SLC26A5: variants seen among roughly 807,000 people sequenced by gnomAD.
The protein encoded by SLC26A5 is solute carrier family 26 member 5.
SLC26A5 carries 51 observed loss-of-function variants against 81.0 expected under a neutral mutation model. That is an observed-to-expected ratio of 0.63 (90% CI 0.50 to 0.80). The LOEUF is 0.80. Among genes scored for constraint, SLC26A5 ranks in the 30% least tolerant of loss-of-function variants. The pLI is 0.00. For synonymous variants in SLC26A5, 325 were observed against 332.8 expected, an observed-to-expected ratio of 0.98 and a Z score of 0.25; for missense variants, 771 against 905.8, an observed-to-expected ratio of 0.85 and a Z score of 1.91.
At chr7:103,381,766 C>A (rs1821814565) in intron 14 of SLC26A5, among the ~76,000 whole-genome samples, 1 of 151,668 alleles carries the variant, frequency 6.6e-6, no homozygotes, top group South Asian at 2.1e-4. Flanking sequence ...TCATACCACA[C>A]ACACACACAC....
chr7:103,355,092 C>T (rs943582785), intron 19 of SLC26A5: 31 of 650,934 alleles, frequency 4.8e-5, no homozygotes, highest in Admixed American at 1.3e-4. Context: ...AATTAGATCT[C>T]ATTTAACCAT....
At chr7:103,365,135 A>T (rs1820644791) in intron 19 of SLC26A5, among the ~76,000 whole-genome samples, 1 of 151,876 alleles carries the variant, frequency 6.6e-6, no homozygotes, top group African/African-American at 2.4e-5. Flanking sequence ...ATGATCAGGA[A>T]TTCCAAGTGA....
At chr7:103,398,038 C>T (rs1392440947) in intron 8 of SLC26A5, 24 bp from the exon 9 acceptor site, 15 of 1,584,604 alleles carry the variant, frequency 9.5e-6, no homozygotes, top group Admixed American at 3.3e-5. Context: ...AATCCAAATG[C>T]ACCTTTAGAG....
chr7:103,359,065 C>G (rs969236460), intron 19 of SLC26A5, among the ~76,000 whole-genome samples: 1 of 147,220 alleles, frequency 6.8e-6, no homozygotes, highest in African/African-American at 2.5e-5. Flanking sequence ...CTCGCTGCAG[C>G]CTCTGCTTCC....
intron 14 of SLC26A5, among the ~76,000 whole-genome samples, chr7:103,383,905 G>A (rs1401987544): frequency 6.6e-6 from 1 of 152,186 alleles, no homozygotes; most frequent in East Asian, 1.9e-4. Flanking sequence ...ACTTTGGGAG[G>A]CTGAGGTGGG....
Position 103,413,007 on chromosome 7 carries a change from GAT to G in SLC26A5, c.396_397del (p.Ser133HisfsTer8). The G allele has an allele frequency of 6.3e-7, 1 of 1,595,052 alleles. No homozygotes were observed. The highest frequency in any genetic ancestry group is 1.1e-5 in the South Asian group (1 of 90,680). ...TATCAAATGTAAGCTTTTACCTATG[GAT>G]ATGTGTCTGGAGGTTCCAAGAAAAC... is the stretch of plus-strand genomic sequence containing the variant. On this transcript the variant is annotated frameshift_variant, in exon 5 of 20. Coordinates refer to ENST00000306312, the MANE Select transcript of SLC26A5 (RefSeq NM_198999.3). LOFTEE classifies it high-confidence loss of function.
chr7:103,391,775 T>G, intron 10 of SLC26A5, 40 bp from the exon 11 acceptor site: 1 of 1,533,054 alleles, frequency 6.5e-7, no homozygotes. Context: ...AGATAGGTCA[T>G]TCTTCAGGAA....
chr7:103,414,415 G>A (rs564316529), intron 4 of SLC26A5, among the ~76,000 whole-genome samples: 2 of 151,998 alleles, frequency 1.3e-5, no homozygotes, highest in Non-Finnish European at 2.9e-5. Flanking sequence ...AGGCTCAGGC[G>A]ATCTGCCCAC....
intron 2 of SLC26A5, among the ~76,000 whole-genome samples, chr7:103,431,222 T>C (rs368563741): frequency 6.6e-6 from 1 of 152,218 alleles, no homozygotes; most frequent in East Asian, 1.9e-4. Flanking sequence ...CATGATAAAA[T>C]TGCAAGTATT....
intron 14 of SLC26A5, among the ~76,000 whole-genome samples, chr7:103,387,763 C>A (rs1678636671): frequency 6.6e-6 from 1 of 152,146 alleles, no homozygotes; most frequent in Non-Finnish European, 1.5e-5. Flanking sequence ...CTCACTGCAA[C>A]CTCTGCCTCC....
At chr7:103,390,682 T>C (rs1405386011) in intron 11 of SLC26A5, among the ~76,000 whole-genome samples, 176 bp from the exon 12 acceptor site, 2 of 152,098 alleles carry the variant, frequency 1.3e-5, no homozygotes, top group East Asian at 3.9e-4. Context: ...TCTCTGAAGT[T>C]TTGGTTCTTC....
At chr7:103,374,180 C>A (rs187458251), downstream of SLC26A5, 1,032 of 1,349,672 alleles carry the variant, frequency 7.6e-4, 3 homozygotes, top group African/African-American at 0.013. Context: ...AAATGTCTCT[C>A]CATAATAAAT....
chr7:103,379,477 A>C, intron 15 of SLC26A5, 142 bp from the exon 16 acceptor site: 4 of 527,054 alleles, frequency 7.6e-6, no homozygotes, highest in Admixed American at 3.3e-5. Context: ...GATGTCACAC[A>C]CAGACCAAAA....
At chr7:103,376,367 C>T (rs947709105) in intron 19 of SLC26A5, among the ~76,000 whole-genome samples, 2 of 152,166 alleles carry the variant, frequency 1.3e-5, no homozygotes, top group African/African-American at 4.8e-5. Flanking sequence ...TGAGTCACAA[C>T]ACCCGGCCTC....
intron 16 of SLC26A5, 47 bp from the exon 17 acceptor site, chr7:103,378,600 G>T: frequency 6.5e-7 from 1 of 1,533,098 alleles, no homozygotes; most frequent in South Asian, 1.1e-5. Flanking sequence ...GGCTCTCAGG[G>T]ACCCACCCCA....
In SLC26A5 at chr7:103,436,812, T is replaced by TA. The variant is rs1371895263; in HGVS notation, c.-54+6270dup. The stretch of plus-strand genomic sequence containing the variant: ...ACCAACTCAAAATGGATTAAAGACT[T>TA]AAAAGTTGAGACCTAAAACTGTAAA... On this transcript the variant is annotated intron_variant, in intron 2 of 19. Coordinates refer to ENST00000306312, the MANE Select transcript of SLC26A5 (RefSeq NM_198999.3). Among the ~76,000 whole-genome samples, 13 of 152,324 alleles carry TA rather than the reference T, an allele frequency of 8.5e-5. No homozygotes were observed. The East Asian group carries it at 2.1e-3, about 25-fold the overall frequency.
chr7:103,379,482 C>CAAA, intron 15 of SLC26A5, 147 bp from the exon 16 acceptor site: 1 of 394,814 alleles, frequency 2.5e-6, no homozygotes, highest in Non-Finnish European at 4.5e-6. Flanking sequence ...CACACACAGA[C>CAAA]CAAAAAAAAA....
intron 8 of SLC26A5, among the ~76,000 whole-genome samples, chr7:103,406,182 G>A (rs1412340588): frequency 6.6e-6 from 1 of 152,174 alleles, no homozygotes; most frequent in Non-Finnish European, 1.5e-5. Flanking sequence ...TTCCAAGGGA[G>A]TGAATGGCTC....
chr7:103,364,052 TA>T, intron 19 of SLC26A5: 1 of 1,225,464 alleles, frequency 8.2e-7, no homozygotes. Context: ...CAGGATAAAA[TA>T]CTAAACATAA....
Sources: gnomAD v4.1 joint callset for allele counts (sites outside exome capture counted in the v4.1 genomes callset) on GRCh38, gnomAD v4.1.1 for gene constraint, MANE v1.5 for transcripts, NCBI Gene and HGNC (gene_info 2026-07-23, HGNC 2026-07-21) for gene names.